KRIT1: variants seen among roughly 807,000 people sequenced by gnomAD.
KRIT1 encodes the protein KRIT1 ankyrin repeat containing, also known as krev interaction trapped protein 1.
A neutral mutation model predicts 95.8 loss-of-function variants in KRIT1; 45 were observed. The ratio of observed to expected loss-of-function variants is 0.47; its 90% CI spans 0.37 to 0.60. KRIT1 has a LOEUF of 0.60. Ranked by LOEUF, KRIT1 falls within the 20% of genes least tolerant of loss-of-function variation. The pLI is 0.00. For missense variants in KRIT1, 788 were observed against 877.5 expected (o/e 0.90, Z 1.29); for synonymous variants, 282 against 278.8 (o/e 1.01, Z -0.11).
At chr7:92,216,054 C>A (rs1001426956) in intron 14 of KRIT1, among the ~76,000 whole-genome samples, 2 of 151,556 alleles carry the variant, frequency 1.3e-5, no homozygotes, top group African/African-American at 2.4e-5. Context: ...ACGGTGAAAC[C>A]CCGTCTCTAC....
rs181234665 is a variant in KRIT1, at chr7:92,215,381, C to T, written c.1564-604G>A. Among the ~76,000 whole-genome samples the T allele has an allele frequency of 3.5e-4, 54 of 152,260 alleles. No homozygotes were observed. The East Asian group carries it at 8.3e-3, about 23-fold the overall frequency. On this transcript the variant is annotated intron_variant, in intron 14 of 18. Coordinates refer to ENST00000394505, the MANE Select transcript of KRIT1 (RefSeq NM_194454.3). ...TATCTTAATTTCCAAAGGACAAATG[C>T]ATTTTTAAAAAGCCTGTTGTAAGAC... is the stretch of plus-strand genomic sequence containing the variant.
In KRIT1 at chr7:92,240,952, GTAT is replaced by G. The variant is rs760136636; in HGVS notation, c.262+38_262+40del. The G allele has an allele frequency of 2.6e-5, 37 of 1,408,714 alleles. No homozygotes were observed. The Admixed American group carries it at 6.1e-4, about 23-fold the overall frequency. 87.3% of individuals were successfully genotyped at this position (1,408,714 alleles called of 1,614,324 possible). On this transcript the variant is annotated intron_variant, in intron 5 of 18. Transcript: ENST00000394505. Reference sequence around the variant, plus strand: ...TTTTTAAAAGAATCTTTCTCCACAAGTATTTTAAACAATGTGTTTTTTAAAAAA... The same window carrying G: ...TTTTTAAAAGAATCTTTCTCCACAAGTTTAAACAATGTGTTTTTTAAAAAA...
chr7:92,208,419 A>G (rs1792041744), intron 17 of KRIT1, among the ~76,000 whole-genome samples: 1 of 152,062 alleles, frequency 6.6e-6, no homozygotes, highest in Non-Finnish European at 1.5e-5. Flanking sequence ...AAGGATCAAC[A>G]AAACGAAAAG....
At chr7:92,223,294 A>AT (rs1335645654) in intron 12 of KRIT1, among the ~76,000 whole-genome samples, 8 of 150,240 alleles carry the variant, frequency 5.3e-5, no homozygotes, top group African/African-American at 2.0e-4. Flanking sequence ...AAAAAAAAAA[A>AT]ATTAGCTGGG....
chr7:92,243,776 T>C (rs964272196), intron 3 of KRIT1, among the ~76,000 whole-genome samples: 3 of 152,092 alleles, frequency 2.0e-5, no homozygotes, highest in Non-Finnish European at 4.4e-5. Context: ...TTAAATAAAA[T>C]AATTTAAATA....
chr7:92,226,093 C>T (rs968388118), intron 11 of KRIT1, among the ~76,000 whole-genome samples: 1 of 152,100 alleles, frequency 6.6e-6, no homozygotes, highest in Non-Finnish European at 1.5e-5. Flanking sequence ...TTATTTTCCT[C>T]TTTATGATAT....
At position 92,234,679 on chromosome 7, in the gene KRIT1, T is replaced by C; in HGVS notation, c.846-87A>G. On this transcript the variant is annotated intron_variant, in intron 9 of 18. Coordinates refer to ENST00000394505, the MANE Select transcript of KRIT1 (RefSeq NM_194454.3). Reference sequence around the variant, plus strand: ...ATGTGACACATCTATGAAAGCTCTGTATCACTAAGAAGCTGTAAACTCAAT... The same window carrying C: ...ATGTGACACATCTATGAAAGCTCTGCATCACTAAGAAGCTGTAAACTCAAT... The C allele has an allele frequency of 2.4e-6, 3 of 1,256,590 alleles. No individual in the cohort carries two copies. In the South Asian group the frequency reaches 3.6e-5, roughly 15 times the overall value. 77.8% of individuals were successfully genotyped at this position (1,256,590 alleles called of 1,614,324 possible).
intron 17 of KRIT1, among the ~76,000 whole-genome samples, chr7:92,207,594 C>T (rs538955482): frequency 2.6e-3 from 396 of 152,254 alleles, no homozygotes; most frequent in African/African-American, 9.1e-3. Flanking sequence ...CAGTGGCTCA[C>T]GCCTGTAATC....
At chr7:92,230,527 A>G (rs1396790929) in intron 10 of KRIT1, among the ~76,000 whole-genome samples, 1 of 152,194 alleles carries the variant, frequency 6.6e-6, no homozygotes, top group Non-Finnish European at 1.5e-5. Context: ...TGAAGAGTGA[A>G]AAAGAGAAAG....
chr7:92,223,679 G>A (rs944263314), intron 12 of KRIT1, among the ~76,000 whole-genome samples: 1 of 152,042 alleles, frequency 6.6e-6, no homozygotes, highest in South Asian at 2.1e-4. Context: ...AGTCTAGTGG[G>A]TCACATATAA....
At chr7:92,245,361 A>G (rs1490357398) in intron 1 of KRIT1, 190 bp from the exon 2 acceptor site, 1 of 151,816 alleles carries the variant, frequency 6.6e-6, no homozygotes, top group Non-Finnish European at 1.5e-5. Flanking sequence ...TCTTTGCTCA[A>G]AGAGTTTCCA....
In KRIT1 at chr7:92,221,977, A is replaced by T. The variant is rs759402951; in HGVS notation, c.1488T>A (p.Asn496Lys). ...GAGGTGTTTCCCTTTGAGGATCCAG[A>T]TTAGTCAATTCAGCAAGTATTTCTG... ...DWPEILAELT[N>K]LDPQRETPQL... The change falls in exon 14 of 19, where the codon AAT becomes AAA. Residue 496 changes from asparagine (N) to lysine (K), a missense_variant. Around this residue, in one of 3 missense-constraint regions of KRIT1, gnomAD observed 493 missense variants for 582.3 expected, o/e 0.85. Coordinates refer to ENST00000394505, the MANE Select transcript of KRIT1 (RefSeq NM_194454.3). 6.2e-7 allele frequency: 1 copy of T among 1,613,574 alleles called. No individual in the cohort carries two copies. The highest frequency in any genetic ancestry group is 1.1e-5 in the South Asian group (1 of 91,066).
chr7:92,216,228 CAA>C (rs200120119), intron 14 of KRIT1, among the ~76,000 whole-genome samples: 14 of 63,102 alleles, frequency 2.2e-4, no homozygotes, highest in East Asian at 5.1e-4. Flanking sequence ...GACTCCATCT[CAA>C]AAAAAAAAAA....
chr7:92,222,250 A>T (rs1795282822), intron 13 of KRIT1, among the ~76,000 whole-genome samples, 197 bp from the exon 14 acceptor site: 1 of 152,166 alleles, frequency 6.6e-6, no homozygotes, highest in Admixed American at 6.5e-5. Context: ...AAGAATTATT[A>T]AAAATAATTC....
At position 92,213,950 on chromosome 7, in the gene KRIT1, A is replaced by G; in HGVS notation, c.1760T>C (p.Val587Ala). Residue 587 changes from valine to alanine, a missense_variant, in exon 16 of 19, where the codon GTT (valine) becomes GCT (alanine). Transcript: ENST00000394505. ...NEENLKSIVP[V>A]TKLKSKAPHW... is the part of the protein sequence containing the mutation. ...AGGTGCCTTACTTTTCAGTTTGGTA[A>G]CAGGTACGATGGATTTTAGATTTTC... 1 of 1,609,918 alleles carries G rather than the reference A, an allele frequency of 6.2e-7. No homozygotes were observed. Among genetic ancestry groups the G allele is most frequent in the East Asian group, 2.2e-5 (1 of 44,724 alleles).
At chr7:92,218,584 T>C (rs986275618) in intron 14 of KRIT1, among the ~76,000 whole-genome samples, 2 of 151,976 alleles carry the variant, frequency 1.3e-5, no homozygotes, top group Non-Finnish European at 2.9e-5. Flanking sequence ...CTCACTATGT[T>C]GCCCAGGCAT....
chr7:92,206,360 A>C (rs1791491407), intron 17 of KRIT1: 1 of 152,450 alleles, frequency 6.6e-6, no homozygotes, highest in Non-Finnish European at 1.5e-5. Flanking sequence ...TGGCACAACT[A>C]CTAGTGCCTG....
chr7:92,230,050 T>C (rs1459420785), intron 10 of KRIT1, among the ~76,000 whole-genome samples: 2 of 152,190 alleles, frequency 1.3e-5, no homozygotes, highest in African/African-American at 2.4e-5. Context: ...AGGGAAAAGA[T>C]AGTGAGGTAG....
chr7:92,223,442 CAAA>C (rs976391928), intron 12 of KRIT1, among the ~76,000 whole-genome samples: 7 of 58,052 alleles, frequency 1.2e-4, no homozygotes, highest in Admixed American at 2.0e-4. Flanking sequence ...GACTCCATCT[CAAA>C]AAAAAAAAAA....
Sources: gnomAD v4.1 joint callset for allele counts (sites outside exome capture counted in the v4.1 genomes callset) on GRCh38, gnomAD v4.1.1 for gene constraint, gnomAD v4.1.1 regional missense constraint, MANE v1.5 for transcripts, NCBI Gene and HGNC (gene_info 2026-07-23, HGNC 2026-07-21) for gene names.